The following MMP16 variants were observed in gnomAD, a reference collection of about 807,000 sequenced individuals.
MMP16 encodes the protein matrix metallopeptidase 16, also known as matrix metalloproteinase-16.
MMP16 carries 12 observed loss-of-function variants against 67.8 expected under a neutral mutation model. The ratio of observed to expected loss-of-function variants is 0.18; its 90% CI spans 0.11 to 0.29. The LOEUF is 0.29. Among genes scored for constraint, MMP16 ranks in the 10% least tolerant of loss-of-function variants. MMP16 has a pLI of 1.00. For missense variants in MMP16, 475 were observed against 765.7 expected, an observed-to-expected ratio of 0.62 and a Z score of 4.48; for synonymous variants, 249 against 255.9, an observed-to-expected ratio of 0.97 and a Z score of 0.26.
chr8:88,078,074 CTT>C (rs1395704909), intron 6 of MMP16, among the ~76,000 whole-genome samples: 1 of 152,010 alleles, frequency 6.6e-6, no homozygotes, highest in Admixed American at 6.6e-5. Context: ...CTCCCTCCCT[CTT>C]TGTTTTCTTC....
intron 1 of MMP16, among the ~76,000 whole-genome samples, chr8:88,212,032 C>CA (rs28904631): frequency 0.21 from 32,187 of 152,072 alleles, 4,591 homozygotes; most frequent in East Asian, 0.53. Context: ...ACTGGCCCCA[C>CA]ATCTCCAGTG....
rs574374547 is a variant in MMP16, at chr8:88,276,552, A to C, written c.132+50523T>G. ...CTTAAATAACTGTGAAGACAAAATT[A>C]GTTACCCATGATTTCAAAGAAAATA... On this transcript the variant is annotated intron_variant, in intron 1 of 9. Coordinates refer to ENST00000286614, the MANE Select transcript of MMP16 (RefSeq NM_005941.5). Among the ~76,000 whole-genome samples the C allele has an allele frequency of 4.6e-5, 7 of 152,288 alleles. No individual in the cohort carries two copies. In the East Asian group the frequency reaches 1.2e-3, roughly 25 times the overall value.
At chr8:88,172,884 A>AT (rs1368126992) in intron 3 of MMP16, among the ~76,000 whole-genome samples, 4 of 152,192 alleles carry the variant, frequency 2.6e-5, no homozygotes, top group African/African-American at 7.2e-5. Flanking sequence ...CAATGTCTTT[A>AT]TAAGTACAAA....
chr8:88,165,582 CTGAA>C (rs982370662), intron 4 of MMP16, among the ~76,000 whole-genome samples: 46 of 151,940 alleles, frequency 3.0e-4, no homozygotes, highest in Non-Finnish European at 5.6e-4. Flanking sequence ...TTGAAGAAGT[CTGAA>C]TTATTTCACT....
At chr8:88,163,231 A>G (rs909588978) in intron 4 of MMP16, among the ~76,000 whole-genome samples, 1 of 152,102 alleles carries the variant, frequency 6.6e-6, no homozygotes, top group Admixed American at 6.6e-5. Context: ...CGTTGACTCA[A>G]GTATCACACC....
chr8:88,238,656 ACT>A (rs1809984376), intron 1 of MMP16, among the ~76,000 whole-genome samples: 1 of 127,330 alleles, frequency 7.9e-6, no homozygotes, highest in Middle Eastern at 4.4e-3. Flanking sequence ...ACTGTGCAAG[ACT>A]CTGTTAAAAA....
intron 6 of MMP16, among the ~76,000 whole-genome samples, chr8:88,078,672 C>T (rs2118299244): frequency 6.6e-6 from 1 of 152,232 alleles, no homozygotes; most frequent in Non-Finnish European, 1.5e-5. Flanking sequence ...TAGAGAGAGA[C>T]TCCGTCTCAG....
chr8:88,239,294 CAAAAAAAAAA>C lies in MMP16; in HGVS notation c.133-41998_133-41989del, dbSNP rs34599512. ...TGGGAGACAGAGACAGACGCAGTCT[CAAAAAAAAAA>C]AAAAAAAAAAGAAAATTTCAAAATC... On this transcript the variant is annotated intron_variant, in intron 1 of 9. Transcript: ENST00000286614. Among the ~76,000 whole-genome samples the C allele has an allele frequency of 8.7e-5, 7 of 80,540 alleles. No individual in the cohort carries two copies. In the East Asian group the frequency reaches 1.3e-3, roughly 15 times the overall value. The allele number at this position is 80,540 out of a possible 152,430, so 52.8% of individuals were successfully genotyped here.
intron 1 of MMP16, among the ~76,000 whole-genome samples, chr8:88,245,206 G>T (rs1472269134): frequency 6.6e-6 from 1 of 152,158 alleles, no homozygotes; most frequent in East Asian, 1.9e-4. Flanking sequence ...TTAAATACAT[G>T]TATAGATCTA....
intron 1 of MMP16, among the ~76,000 whole-genome samples, chr8:88,274,858 C>T (rs1206915172): frequency 6.6e-6 from 1 of 151,710 alleles, no homozygotes; most frequent in Non-Finnish European, 1.5e-5. Context: ...AAGAACATTC[C>T]TAAACAAACC....
chr8:88,162,992 C>T (rs190962615), intron 4 of MMP16, among the ~76,000 whole-genome samples: 1 of 152,090 alleles, frequency 6.6e-6, no homozygotes, highest in African/African-American at 2.4e-5. Context: ...TCTTTCTTTC[C>T]TCAAATATCA....
At chr8:88,249,268 A>C (rs528837923) in intron 1 of MMP16, among the ~76,000 whole-genome samples, 1 of 152,070 alleles carries the variant, frequency 6.6e-6, no homozygotes, top group South Asian at 2.1e-4. Flanking sequence ...AAAACACAAA[A>C]TTTGGAAGCC....
intron 4 of MMP16, among the ~76,000 whole-genome samples, chr8:88,156,592 T>C (rs1586179715): frequency 6.6e-6 from 1 of 152,236 alleles, no homozygotes; most frequent in Non-Finnish European, 1.5e-5. Flanking sequence ...TTGATAGTGG[T>C]ATGGTTGTAA....
intron 1 of MMP16, among the ~76,000 whole-genome samples, chr8:88,257,766 CAG>C (rs1322515041): frequency 6.6e-6 from 1 of 152,070 alleles, no homozygotes; most frequent in African/African-American, 2.4e-5. Context: ...TAAACATGAA[CAG>C]AGCACTTACC....
At chr8:88,119,136 T>C (rs1413148286) in intron 4 of MMP16, among the ~76,000 whole-genome samples, 1 of 152,054 alleles carries the variant, frequency 6.6e-6, no homozygotes, top group Non-Finnish European at 1.5e-5. Flanking sequence ...AGCAGCAGCA[T>C]TGGAAACTGA....
intron 1 of MMP16, among the ~76,000 whole-genome samples, chr8:88,212,452 TG>T (rs1318528596): frequency 3.3e-5 from 5 of 152,170 alleles, no homozygotes; most frequent in African/African-American, 1.2e-4. Flanking sequence ...ATTATATATC[TG>T]TCCATGCTTC....
intron 4 of MMP16, among the ~76,000 whole-genome samples, chr8:88,164,952 C>T (rs1949529): frequency 6.6e-6 from 1 of 151,776 alleles, no homozygotes; most frequent in Non-Finnish European, 1.5e-5. Flanking sequence ...CATAAGCATT[C>T]TAAGCACTGA....
chr8:88,260,541 A>G (rs927553090), intron 1 of MMP16, among the ~76,000 whole-genome samples: 6 of 152,142 alleles, frequency 3.9e-5, no homozygotes, highest in African/African-American at 1.4e-4. Flanking sequence ...CATGTTACCA[A>G]TAAAAACAGG....
In MMP16 at chr8:88,279,698, T is replaced by A. The variant is rs1398979232; in HGVS notation, c.132+47377A>T. On this transcript the variant is annotated intron_variant, in intron 1 of 9. Coordinates refer to ENST00000286614, the MANE Select transcript of MMP16 (RefSeq NM_005941.5). ...TAAACGGGGCCACTGCATTTGGTAA[T>A]CAAAATGGAAAAACAAAATATGGAG... 5.3e-5 allele frequency among the ~76,000 whole-genome samples: 8 copies of A among 152,194 alleles called. No homozygotes were observed. In the East Asian group the frequency reaches 1.5e-3, roughly 29 times the overall value.
Sources: gnomAD v4.1 joint callset for allele counts (sites outside exome capture counted in the v4.1 genomes callset) on GRCh38, gnomAD v4.1.1 for gene constraint, MANE v1.5 for transcripts, NCBI Gene and HGNC (gene_info 2026-07-23, HGNC 2026-07-21) for gene names.